CNNM4: variants seen among roughly 807,000 people sequenced by gnomAD.
CNNM4 encodes cyclin and CBS domain divalent metal cation transport mediator 4.
Under a neutral mutation model 53.7 loss-of-function variants are expected in CNNM4, and 32 were observed. The observed-to-expected ratio is 0.60, with a 90% CI of 0.45 to 0.80. The LOEUF is 0.80. Among genes scored for constraint, CNNM4 ranks in the 30% least tolerant of loss-of-function variants. The pLI, the probability that CNNM4 is intolerant of heterozygous loss-of-function variation, is 0.00. For synonymous variants in CNNM4, 410 were observed against 440.0 expected (o/e 0.93, Z 0.85); for missense variants, 784 against 1,022.0 (o/e 0.77, Z 3.17).
rs1289489092 is a variant in CNNM4, at chr2:96,761,230, G to C, written c.231G>C (p.Arg77Ser). 6.2e-7 allele frequency: 1 copy of C among 1,614,156 alleles called. No homozygotes were observed. The highest frequency in any genetic ancestry group is 8.5e-7 in the Non-Finnish European group (1 of 1,180,020). ...FVSEGSTVNLRLYGYSLGNIS... is the reference protein window; with the variant it reads ...FVSEGSTVNLSLYGYSLGNIS... Reference sequence around the variant, plus strand: ...CCGAGGGCAGCACCGTGAACCTGAGGCTGTACGGCTACAGCCTGGGCAACA... The same window carrying C: ...CCGAGGGCAGCACCGTGAACCTGAGCCTGTACGGCTACAGCCTGGGCAACA... Residue 77 changes from arginine to serine, a missense_variant, in exon 1 of 7, where the codon AGG becomes AGC. Arg to Ser is a moderately radical substitution (Grantham distance 110). Transcript: ENST00000377075. The surrounding 1 kb of genome is among the most constrained non-coding windows in gnomAD (Gnocchi z 6.0).
chr2:96,804,419 G>A (rs1217735807), intron 5 of CNNM4, among the ~76,000 whole-genome samples: 1 of 141,902 alleles, frequency 7.0e-6, no homozygotes, highest in South Asian at 2.2e-4. Context: ...TTTTTTTTTT[G>A]AGATGGAGTC....
intron 5 of CNNM4, among the ~76,000 whole-genome samples, chr2:96,802,573 A>G (rs949574454): frequency 1.3e-5 from 2 of 152,236 alleles, no homozygotes; most frequent in African/African-American, 4.8e-5. Context: ...TGGCTAAATG[A>G]TAGTCTTTGT....
intron 1 of CNNM4, among the ~76,000 whole-genome samples, chr2:96,764,083 G>A (rs745945291): frequency 4.6e-5 from 7 of 152,014 alleles, no homozygotes; most frequent in Non-Finnish European, 8.8e-5. Context: ...CCTCTGTGGT[G>A]TTTGGGACTA....
At chr2:96,804,756 G>C (rs2079187170) in intron 5 of CNNM4, among the ~76,000 whole-genome samples, 1 of 151,684 alleles carries the variant, frequency 6.6e-6, no homozygotes, top group Non-Finnish European at 1.5e-5. Flanking sequence ...GGCTGGTCTT[G>C]AACTCCTGAT....
chr2:96,769,458 C>T (rs549791306), intron 1 of CNNM4, among the ~76,000 whole-genome samples: 12 of 139,332 alleles, frequency 8.6e-5, no homozygotes, highest in Non-Finnish European at 3.1e-5. Context: ...CCAGCTACTG[C>T]GGAGGCTGAG....
At chr2:96,772,749 A>C (rs1352230822) in intron 1 of CNNM4, among the ~76,000 whole-genome samples, 1 of 106,350 alleles carries the variant, frequency 9.4e-6, no homozygotes, top group African/African-American at 3.9e-5. Context: ...ACACACACTC[A>C]TACCCCCACA....
At chr2:96,769,067 C>G (rs1483002323) in intron 1 of CNNM4, among the ~76,000 whole-genome samples, 1 of 152,030 alleles carries the variant, frequency 6.6e-6, no homozygotes, top group Non-Finnish European at 1.5e-5. Flanking sequence ...CTGGCTAACA[C>G]GGTAAAACCC....
Position 96,809,905 on chromosome 2 carries a change from G to A in CNNM4, c.*388G>A, listed in dbSNP as rs541457628. 1.8e-5 allele frequency: 3 copies of A among 164,736 alleles called. No individual in the cohort carries two copies. The highest frequency in any genetic ancestry group is 4.0e-5 in the Non-Finnish European group (3 of 74,868). The allele number at this position is 164,736 out of a possible 1,614,324, so 10.2% of individuals were successfully genotyped here. A position where few individuals can be genotyped will look rare whatever the true frequency, so the allele number is the denominator to read the frequency against. On this transcript the variant is annotated 3_prime_UTR_variant, in exon 7 of 7. Transcript: ENST00000377075. ...AAAGAGGAAGGGTTTCTTGTCCCGG[G>A]AAGCAACGGACATAATCTGTTCCCA...
At chr2:96,789,788 G>A (rs547857780) in intron 1 of CNNM4, among the ~76,000 whole-genome samples, 6 of 151,678 alleles carry the variant, frequency 4.0e-5, no homozygotes, top group African/African-American at 1.5e-4. Flanking sequence ...CGCCTCCTAG[G>A]TTCAAGTGAT....
At chr2:96,779,495 C>T (rs1050694821) in intron 1 of CNNM4, among the ~76,000 whole-genome samples, 18 of 122,570 alleles carry the variant, frequency 1.5e-4, no homozygotes, top group Admixed American at 1.0e-3. Flanking sequence ...GGTGACAGAG[C>T]AAGACCTCGT....
rs1049059547 is a variant in CNNM4, at chr2:96,767,165, G to A, written c.1402+4764G>A. Among the ~76,000 whole-genome samples the A allele has an allele frequency of 5.9e-5, 9 of 152,286 alleles. No individual in the cohort carries two copies. In the South Asian group the frequency reaches 1.9e-3, roughly 32 times the overall value. ...CCGAGTGTCCCTAGGAGTAAGGCAGGGGTACAGCCTTGCAGCACTTCTGTC... is the reference window on the plus strand; with the variant it reads ...CCGAGTGTCCCTAGGAGTAAGGCAGAGGTACAGCCTTGCAGCACTTCTGTC... On this transcript the variant is annotated intron_variant, in intron 1 of 6. Coordinates refer to ENST00000377075, the MANE Select transcript of CNNM4 (RefSeq NM_020184.4).
intron 1 of CNNM4, among the ~76,000 whole-genome samples, chr2:96,775,918 G>A (rs1356205492): frequency 1.3e-5 from 2 of 151,292 alleles, no homozygotes; most frequent in African/African-American, 2.4e-5. Flanking sequence ...AGAGAATGTG[G>A]TCTTGCATTG....
intron 1 of CNNM4, among the ~76,000 whole-genome samples, chr2:96,791,462 T>G (rs1277516238): frequency 6.6e-6 from 1 of 151,376 alleles, no homozygotes; most frequent in Non-Finnish European, 1.5e-5. Context: ...TGAAATTCCG[T>G]CTCTACTAAA....
At chr2:96,775,801 C>T (rs2078918989) in intron 1 of CNNM4, among the ~76,000 whole-genome samples, 1 of 152,340 alleles carries the variant, frequency 6.6e-6, no homozygotes, top group East Asian at 1.9e-4. Flanking sequence ...TCACAGCTCA[C>T]TGCAGCCCCC....
chr2:96,771,495 AG>A (rs2078869210), intron 1 of CNNM4, among the ~76,000 whole-genome samples: 1 of 152,126 alleles, frequency 6.6e-6, no homozygotes, highest in Admixed American at 6.5e-5. Flanking sequence ...ACCTGAGGTC[AG>A]GAGTTCAAGA....
At chr2:96,780,885 C>T (rs1167137965) in intron 1 of CNNM4, among the ~76,000 whole-genome samples, 5 of 149,578 alleles carry the variant, frequency 3.3e-5, no homozygotes, top group South Asian at 4.2e-4. Context: ...ACTACAGGCG[C>T]GTACCACCAC....
At chr2:96,804,537 G>A (rs1172709447) in intron 5 of CNNM4, among the ~76,000 whole-genome samples, 2 of 152,090 alleles carry the variant, frequency 1.3e-5, no homozygotes, top group Non-Finnish European at 2.9e-5. Context: ...GAGTAGCTGG[G>A]ATTACAGGCA....
intron 1 of CNNM4, among the ~76,000 whole-genome samples, chr2:96,781,586 C>A (rs1332181236): frequency 6.6e-6 from 1 of 152,212 alleles, no homozygotes; most frequent in Non-Finnish European, 1.5e-5. Context: ...TTCATGCCCT[C>A]TGCCTGTGGT....
rs777506872 is a variant in CNNM4 at position 96,797,177 on chromosome 2, G to A, written c.1546+22G>A. The A allele has an allele frequency of 4.3e-6, 7 of 1,613,740 alleles. No homozygotes were observed. Among genetic ancestry groups the A allele is most frequent in the East Asian group, 2.2e-5 (1 of 44,894 alleles). ...TACAGTGAGTCCAGCCTTCCACAGG[G>A]CCCAGGACCCCTTTCCTGCTTGGAT... On this transcript the variant is annotated intron_variant, in intron 2 of 6. Transcript: ENST00000377075. This position sits in a 1 kb window ranked among gnomAD's most constrained non-coding sequence, Gnocchi z 6.0.
Sources: allele counts gnomAD v4.1 joint callset (sites outside exome capture counted in the v4.1 genomes callset), GRCh38; gene constraint gnomAD v4.1.1; non-coding constraint Gnocchi (gnomAD v3.1); transcripts MANE v1.5; gene names NCBI Gene and HGNC (gene_info 2026-07-23, HGNC 2026-07-21).